The following MYT1L variants were observed in gnomAD, a reference collection of about 807,000 sequenced individuals.
MYT1L encodes the protein myelin transcription factor 1 like.
MYT1L carries 12 observed loss-of-function variants against 126.7 expected under a neutral mutation model. The ratio of observed to expected loss-of-function variants is 0.09; its 90% CI spans 0.06 to 0.15. The LOEUF is 0.15. Among genes scored for constraint, MYT1L ranks in the 10% least tolerant of loss-of-function variants. The probability of loss-of-function intolerance (pLI) is 1.00; values close to 1 mark genes in which losing one functional copy is unlikely to be tolerated. For missense variants in MYT1L, 979 were observed against 1,585.2 expected (o/e 0.62, Z 6.49); for synonymous variants, 541 against 604.2 (o/e 0.90, Z 1.53).
chr2:1,912,194 G>T lies in MYT1L; in HGVS notation c.1619-84C>A. 1 of 962,790 alleles carries T rather than the reference G, an allele frequency of 1.0e-6. No individual in the cohort carries two copies. Among genetic ancestry groups the T allele is most frequent in the Non-Finnish European group, 1.5e-6 (1 of 653,346 alleles). The allele number at this position is 962,790 out of a possible 1,614,324, so 59.6% of individuals were successfully genotyped here. The stretch of plus-strand genomic sequence containing the variant: ...CATGAAAATGCAGTCATTTAACAAA[G>T]GCCAGGTCGCTCATGATAGACAGTC... On this transcript the variant is annotated intron_variant, in intron 11 of 24. Coordinates refer to ENST00000647738, the MANE Select transcript of MYT1L (RefSeq NM_001303052.2). The surrounding 1 kb of genome is among the most constrained non-coding windows in gnomAD (Gnocchi z 4.3).
At chr2:2,036,548 A>C (rs1039902459) in intron 4 of MYT1L, among the ~76,000 whole-genome samples, 1 of 152,210 alleles carries the variant, frequency 6.6e-6, no homozygotes, top group Non-Finnish European at 1.5e-5. Context: ...ATAGAATCCC[A>C]TCCACACAGC....
chr2:1,799,646 G>T (rs983040113), intron 23 of MYT1L, among the ~76,000 whole-genome samples: 4 of 152,242 alleles, frequency 2.6e-5, no homozygotes, highest in Non-Finnish European at 5.9e-5. Flanking sequence ...ATCAGAGAGT[G>T]CCCCAAAAGG....
At chr2:1,947,461 G>A (rs1301112564) in intron 8 of MYT1L, among the ~76,000 whole-genome samples, 3 of 152,188 alleles carry the variant, frequency 2.0e-5, no homozygotes, top group African/African-American at 7.2e-5. Flanking sequence ...AGAGGATGGG[G>A]TCTGGGCCGT....
intron 4 of MYT1L, among the ~76,000 whole-genome samples, chr2:2,005,528 A>ATGTGTTCTTTCCTGCG (rs1553408053): frequency 7.2e-6 from 1 of 139,614 alleles, no homozygotes; most frequent in Admixed American, 7.3e-5. Flanking sequence ...TCTTTCCTGC[A>ATGTGTTCTTTCCTGCG]GGCATTCTTT....
At chr2:1,898,741 G>A (rs1178327396) in intron 14 of MYT1L, among the ~76,000 whole-genome samples, 1 of 152,224 alleles carries the variant, frequency 6.6e-6, no homozygotes, top group African/African-American at 2.4e-5. Flanking sequence ...ACTGCCTGCA[G>A]GAGGAGAAAA....
At chr2:1,868,055 C>T (rs1002704113) in intron 18 of MYT1L, among the ~76,000 whole-genome samples, 1 of 152,106 alleles carries the variant, frequency 6.6e-6, no homozygotes, top group Admixed American at 6.5e-5. Flanking sequence ...CTACCTCCGC[C>T]TCCTGGGTTC....
chr2:2,079,586 G>A (rs1383866806), intron 3 of MYT1L, among the ~76,000 whole-genome samples: 4 of 152,156 alleles, frequency 2.6e-5, no homozygotes, highest in South Asian at 2.1e-4. Context: ...CGGGTGGATC[G>A]TGAGGTCAGG....
intron 4 of MYT1L, among the ~76,000 whole-genome samples, chr2:2,025,627 G>A (rs961723763): frequency 8.5e-5 from 13 of 152,114 alleles, no homozygotes; most frequent in African/African-American, 3.1e-4. Flanking sequence ...TTTAAGCTGG[G>A]ACATCAATAC....
rs1357105626 is a variant in MYT1L, at chr2:1,790,108, A to G, written c.*1759T>C. ...GGTTCAGTGTCACAAGGCTACTGACACGAGGAATTGCACACCTCCGTACGG... is the reference window on the plus strand; with the variant it reads ...GGTTCAGTGTCACAAGGCTACTGACGCGAGGAATTGCACACCTCCGTACGG... On this transcript the variant is annotated 3_prime_UTR_variant, in exon 25 of 25. Transcript: ENST00000647738. 1 of 152,228 alleles carries G rather than the reference A, an allele frequency of 6.6e-6. No individual in the cohort carries two copies. The highest frequency in any genetic ancestry group is 2.4e-5 in the African/African-American group (1 of 41,464). The allele number at this position is 152,228 out of a possible 1,614,324, so 9.4% of individuals were successfully genotyped here.
chr2:2,220,257 C>T (rs546078472), intron 2 of MYT1L, among the ~76,000 whole-genome samples: 33 of 152,268 alleles, frequency 2.2e-4, no homozygotes, highest in African/African-American at 7.5e-4. Flanking sequence ...AGACATGAGA[C>T]ATCAATCAAA....
intron 2 of MYT1L, among the ~76,000 whole-genome samples, chr2:2,280,529 C>T (rs75051500): frequency 0.023 from 3,538 of 152,310 alleles, 59 homozygotes; most frequent in Middle Eastern, 0.068. Flanking sequence ...CTTCTTCTAT[C>T]CGCCCTTGTG....
intron 5 of MYT1L, among the ~76,000 whole-genome samples, chr2:1,986,256 T>C (rs1375404767): frequency 6.6e-6 from 1 of 152,178 alleles, no homozygotes; most frequent in Admixed American, 6.5e-5. Context: ...CCACTCCACA[T>C]GCAGCCAGAA....
Position 2,054,886 on chromosome 2 carries a change from A to G in MYT1L, c.-303-763T>C, listed in dbSNP as rs151175059. ...GAGGTGAGAAGCATGAAGATGAGACACATGGAGATGGTGAGATGCATGGAG... is the reference window on the plus strand; with the variant it reads ...GAGGTGAGAAGCATGAAGATGAGACGCATGGAGATGGTGAGATGCATGGAG... On this transcript the variant is annotated intron_variant, in intron 3 of 24. Coordinates refer to ENST00000647738, the MANE Select transcript of MYT1L (RefSeq NM_001303052.2). Among the ~76,000 whole-genome samples the G allele has an allele frequency of 6.2e-3, 946 of 151,834 alleles. 13 individuals are homozygous for G. Among genetic ancestry groups the G allele is most frequent in the African/African-American group, 0.021 (866 of 41,406 alleles).
At chr2:1,869,694 T>C (rs1007643989) in intron 18 of MYT1L, among the ~76,000 whole-genome samples, 5 of 152,188 alleles carry the variant, frequency 3.3e-5, no homozygotes, top group African/African-American at 9.7e-5. Context: ...TATCAGGCAC[T>C]TACAGGCTAA....
At chr2:2,163,370 C>T (rs910996543) in intron 3 of MYT1L, among the ~76,000 whole-genome samples, 1 of 152,068 alleles carries the variant, frequency 6.6e-6, no homozygotes, top group Admixed American at 6.6e-5. Context: ...TGTGACAAGG[C>T]ATTTTGAAGA....
chr2:2,122,021 C>A (rs577037774), intron 3 of MYT1L, among the ~76,000 whole-genome samples: 20 of 152,304 alleles, frequency 1.3e-4, no homozygotes, highest in African/African-American at 4.6e-4. Flanking sequence ...GGTCTTCCTA[C>A]GCTCTTGTTA....
intron 5 of MYT1L, among the ~76,000 whole-genome samples, chr2:1,986,348 A>C (rs80154838): frequency 0.037 from 5,592 of 152,252 alleles, 153 homozygotes; most frequent in Non-Finnish European, 0.051. Context: ...GGATCACTGG[A>C]CGTTAAGCCA....
chr2:2,314,681 T>C (rs547000962), intron 1 of MYT1L, among the ~76,000 whole-genome samples: 2 of 152,210 alleles, frequency 1.3e-5, no homozygotes, highest in Non-Finnish European at 2.9e-5. Context: ...AAGCTCCACA[T>C]GTATTAGCTA....
At chr2:1,819,020 G>A (rs895227440) in intron 21 of MYT1L, among the ~76,000 whole-genome samples, 2 of 152,024 alleles carry the variant, frequency 1.3e-5, no homozygotes, top group African/African-American at 4.8e-5. Flanking sequence ...CCCAGACCAG[G>A]TCCCTCCCAC....
Sources: allele counts gnomAD v4.1 joint callset (sites outside exome capture counted in the v4.1 genomes callset), GRCh38; gene constraint gnomAD v4.1.1; non-coding constraint Gnocchi (gnomAD v3.1); transcripts MANE v1.5; gene names NCBI Gene and HGNC (gene_info 2026-07-23, HGNC 2026-07-21).